The following CCSER1 variants were observed in gnomAD, a reference collection of about 807,000 sequenced individuals.
CCSER1 encodes the protein serine-rich coiled-coil domain-containing protein 1.
CCSER1 carries 41 observed loss-of-function variants against 82.0 expected under a neutral mutation model. That is an observed-to-expected ratio of 0.50 (90% CI 0.39 to 0.65). CCSER1 has a LOEUF of 0.65. Ranked by LOEUF, CCSER1 falls within the 30% of genes least tolerant of loss-of-function variation. CCSER1 has a pLI of 0.00. For synonymous variants in CCSER1, 414 were observed against 383.9 expected, an observed-to-expected ratio of 1.08 and a Z score of -0.92; for missense variants, 1,119 against 1,064.2, an observed-to-expected ratio of 1.05 and a Z score of -0.72.
chr4:91,214,936 A>G (rs1474759889), intron 10 of CCSER1, among the ~76,000 whole-genome samples: 1 of 152,116 alleles, frequency 6.6e-6, no homozygotes, highest in Non-Finnish European at 1.5e-5. Context: ...TAAATTCACA[A>G]TGGAAATATT....
At chr4:90,315,342 G>A (rs1346384133) in intron 3 of CCSER1, among the ~76,000 whole-genome samples, 1 of 152,092 alleles carries the variant, frequency 6.6e-6, no homozygotes, top group Non-Finnish European at 1.5e-5. Flanking sequence ...TATTGTACAT[G>A]TTCATTGGAT....
At chr4:90,323,067 T>C (rs2169399) in intron 3 of CCSER1, among the ~76,000 whole-genome samples, 100,025 of 152,120 alleles carry the variant, frequency 0.66, 34,398 homozygotes, top group African/African-American at 0.86. Context: ...GGCGCTGGGG[T>C]CTAGAATCAG....
chr4:91,268,745 G>A (rs548629701), intron 10 of CCSER1, among the ~76,000 whole-genome samples: 7 of 152,166 alleles, frequency 4.6e-5, no homozygotes, highest in African/African-American at 7.2e-5. Context: ...AGGCAGGGGC[G>A]GGGTCACAAG....
intron 10 of CCSER1, among the ~76,000 whole-genome samples, chr4:91,296,483 A>ATATATATATATATATTATT (rs1175690764): frequency 1.6e-4 from 20 of 123,982 alleles, no homozygotes; most frequent in South Asian, 4.7e-4. Context: ...ATATATATAT[A>ATATATATATATATATTATT]TATTTTAATT....
At position 90,766,309 on chromosome 4, in the gene CCSER1, C is replaced by T. The variant is rs550471750; in HGVS notation, c.2010+42318C>T. On this transcript the variant is annotated intron_variant, in intron 7 of 10. Transcript: ENST00000509176. ...CATAATTTCCCAAGTTCATATATAA[C>T]GTTCTTTATGCAGAAATTTTATTTA... 2.6e-3 allele frequency among the ~76,000 whole-genome samples: 395 copies of T among 152,196 alleles called. 21 individuals are homozygous for T. The South Asian group carries it at 0.076, about 29-fold the overall frequency.
intron 8 of CCSER1, among the ~76,000 whole-genome samples, chr4:90,851,194 G>A (rs975555827): frequency 8.6e-5 from 13 of 152,032 alleles, no homozygotes; most frequent in African/African-American, 1.2e-4. Flanking sequence ...ACCCAGTCTC[G>A]TATTTCTTCA....
At chr4:90,868,555 A>G (rs1055361127) in intron 8 of CCSER1, among the ~76,000 whole-genome samples, 1 of 152,060 alleles carries the variant, frequency 6.6e-6, no homozygotes, top group East Asian at 1.9e-4. Flanking sequence ...ATGGTTGATT[A>G]GTACTCATTG....
intron 10 of CCSER1, among the ~76,000 whole-genome samples, chr4:91,143,898 T>C (rs895197477): frequency 6.6e-6 from 1 of 152,080 alleles, no homozygotes; most frequent in Non-Finnish European, 1.5e-5. Context: ...TAAGGCTTTT[T>C]GTATCTATGT....
intron 10 of CCSER1, among the ~76,000 whole-genome samples, chr4:91,323,160 T>C (rs1253938181): frequency 6.6e-6 from 1 of 152,118 alleles, no homozygotes; most frequent in Non-Finnish European, 1.5e-5. Context: ...CCAACCAGGC[T>C]GGAAGGGCAA....
intron 10 of CCSER1, among the ~76,000 whole-genome samples, chr4:91,389,907 G>A (rs1296109416): frequency 1.3e-5 from 2 of 151,926 alleles, no homozygotes; most frequent in South Asian, 4.1e-4. Context: ...AAAAGCAGAT[G>A]ATTTTGTATA....
At chr4:90,865,731 TGCAA>T (rs1321382617) in intron 8 of CCSER1, among the ~76,000 whole-genome samples, 1 of 152,052 alleles carries the variant, frequency 6.6e-6, no homozygotes, top group Non-Finnish European at 1.5e-5. Context: ...ACAACAACAA[TGCAA>T]CTTTATCTTC....
chr4:91,438,224 G>T (rs1230057607), intron 10 of CCSER1, among the ~76,000 whole-genome samples: 1 of 152,200 alleles, frequency 6.6e-6, no homozygotes, highest in Non-Finnish European at 1.5e-5. Context: ...CTAACTGGGA[G>T]GCACCCCCCA....
chr4:90,556,503 A>G (rs1778158172), intron 5 of CCSER1, among the ~76,000 whole-genome samples: 1 of 152,112 alleles, frequency 6.6e-6, no homozygotes, highest in South Asian at 2.1e-4. Flanking sequence ...TTTTGGCTCC[A>G]CAAAAACTTT....
intron 3 of CCSER1, among the ~76,000 whole-genome samples, chr4:90,360,864 C>T (rs1745265528): frequency 6.6e-6 from 1 of 152,154 alleles, no homozygotes; most frequent in South Asian, 2.1e-4. Flanking sequence ...ATAAATTAGA[C>T]ATTTCAAGCA....
At chr4:91,579,971 A>T (rs1457428016) in intron 10 of CCSER1, among the ~76,000 whole-genome samples, 2 of 151,876 alleles carry the variant, frequency 1.3e-5, no homozygotes, top group Admixed American at 1.3e-4. Context: ...TCCAAGCTTC[A>T]TGTGACACAA....
chr4:90,484,342 T>C (rs1766621249), intron 5 of CCSER1, among the ~76,000 whole-genome samples: 1 of 152,180 alleles, frequency 6.6e-6, no homozygotes, highest in Non-Finnish European at 1.5e-5. Context: ...TCGGAGTAGT[T>C]TGATCTTCTG....
At chr4:91,521,334 A>G (rs1760459835) in intron 10 of CCSER1, among the ~76,000 whole-genome samples, 1 of 152,224 alleles carries the variant, frequency 6.6e-6, no homozygotes, top group South Asian at 2.1e-4. Context: ...GTGCCGCAAT[A>G]AACATGCATG....
At chr4:90,876,656 C>T (rs913657884) in intron 8 of CCSER1, among the ~76,000 whole-genome samples, 4 of 152,106 alleles carry the variant, frequency 2.6e-5, no homozygotes, top group Middle Eastern at 3.4e-3. Flanking sequence ...CATTTGGAGC[C>T]CCATTCAATC....
chr4:91,435,183 G>T (rs1443565305), intron 10 of CCSER1, among the ~76,000 whole-genome samples: 1 of 152,152 alleles, frequency 6.6e-6, no homozygotes, highest in African/African-American at 2.4e-5. Flanking sequence ...CCATGCCTGT[G>T]ATCCCAAGCA....
Sources: gnomAD v4.1 joint callset for allele counts (sites outside exome capture counted in the v4.1 genomes callset) on GRCh38, gnomAD v4.1.1 for gene constraint, MANE v1.5 for transcripts, NCBI Gene and HGNC (gene_info 2026-07-23, HGNC 2026-07-21) for gene names.